NOL4: variants seen among roughly 807,000 people sequenced by gnomAD.
NOL4 encodes the protein cancer/testis antigen 125.
A neutral mutation model predicts 75.9 loss-of-function variants in NOL4; 17 were observed. That is an observed-to-expected ratio of 0.22 (90% confidence interval 0.15 to 0.34). The LOEUF is 0.34. NOL4 is among the 10% of genes least tolerant of loss of function. The pLI, the probability that NOL4 is intolerant of heterozygous loss-of-function variation, is 1.00. For synonymous variants in NOL4, 292 were observed against 289.9 expected (o/e 1.01, Z -0.07); for missense variants, 614 against 793.5 (o/e 0.77, Z 2.72).
intron 5 of NOL4, among the ~76,000 whole-genome samples, chr18:34,091,414 T>C (rs1435932885): frequency 6.6e-6 from 1 of 151,834 alleles, no homozygotes; most frequent in East Asian, 1.9e-4. Flanking sequence ...CAGAAGGAGT[T>C]TGCCCCTCTT....
intron 6 of NOL4, among the ~76,000 whole-genome samples, chr18:34,001,340 C>T (rs144746765): frequency 1.7e-3 from 258 of 152,258 alleles, no homozygotes; most frequent in African/African-American, 5.7e-3. Flanking sequence ...TGTTCTACTA[C>T]GCAATTCCAA....
chr18:34,014,657 C>T lies in NOL4; in HGVS notation c.1056+4661G>A, dbSNP rs114981291. 8.6e-3 allele frequency among the ~76,000 whole-genome samples: 1,307 copies of T among 152,012 alleles called. 18 individuals are homozygous for T. Among genetic ancestry groups the T allele is most frequent in the African/African-American group, 0.03 (1,227 of 41,488 alleles). ...GGGTCTCATTTTCCAAGCTCTTTAT[C>T]ATCATTTCAGCCCTCTTTGGAGCTC... is the stretch of plus-strand genomic sequence containing the variant. On this transcript the variant is annotated intron_variant, in intron 6 of 10. Coordinates refer to ENST00000261592, the MANE Select transcript of NOL4 (RefSeq NM_003787.5).
intron 1 of NOL4, among the ~76,000 whole-genome samples, chr18:34,211,750 A>G (rs990965249): frequency 6.6e-6 from 1 of 152,222 alleles, no homozygotes; most frequent in Non-Finnish European, 1.5e-5. Context: ...AGAGTGGAAC[A>G]TAAGAGGCTA....
At chr18:33,892,042 GATT>G (rs2065124690) in intron 9 of NOL4, among the ~76,000 whole-genome samples, 1 of 152,086 alleles carries the variant, frequency 6.6e-6, no homozygotes, top group African/African-American at 2.4e-5. Context: ...CATCTTGAAT[GATT>G]ATTATTACTG....
chr18:34,141,580 G>A (rs1264308072), intron 1 of NOL4, among the ~76,000 whole-genome samples: 1 of 152,116 alleles, frequency 6.6e-6, no homozygotes, highest in African/African-American at 2.4e-5. Flanking sequence ...ACAAGAAATG[G>A]GGAAAGGTTC....
In NOL4 at chr18:34,133,272, CAAAAA is replaced by C. The variant is rs1230503382; in HGVS notation, c.265-3257_265-3253del. Among the ~76,000 whole-genome samples the C allele has an allele frequency of 8.6e-3, 498 of 57,894 alleles. 4 individuals carry two copies. Among genetic ancestry groups the C allele is most frequent in the African/African-American group, 0.024 (464 of 19,420 alleles). The allele number at this position is 57,894 out of a possible 152,430, so 38.0% of individuals were successfully genotyped here. On this transcript the variant is annotated intron_variant, in intron 1 of 10. Coordinates refer to ENST00000261592, the MANE Select transcript of NOL4 (RefSeq NM_003787.5). The stretch of plus-strand genomic sequence containing the variant: ...GGGCAACAAGAGCAAAACTCCGTCT[CAAAAA>C]AAAAAAAAAAAAAAGTGAAATACAC...
At chr18:34,141,415 A>C (rs1272033353) in intron 1 of NOL4, among the ~76,000 whole-genome samples, 1 of 151,944 alleles carries the variant, frequency 6.6e-6, no homozygotes, top group Non-Finnish European at 1.5e-5. Context: ...GAGGCATCAC[A>C]CTACCTGACT....
intron 6 of NOL4, among the ~76,000 whole-genome samples, chr18:34,011,293 C>T (rs1297778409): frequency 1.3e-5 from 2 of 151,564 alleles, no homozygotes; most frequent in Non-Finnish European, 3.0e-5. Context: ...CAGATAATTG[C>T]TTTATGGTGC....
intron 1 of NOL4, among the ~76,000 whole-genome samples, chr18:34,135,580 C>T (rs891605871): frequency 1.4e-5 from 2 of 147,364 alleles, no homozygotes; most frequent in Non-Finnish European, 3.0e-5. Context: ...GCCTGTAGTG[C>T]CCGCTACTTG....
intron 6 of NOL4, among the ~76,000 whole-genome samples, chr18:34,000,696 C>A (rs1023605065): frequency 6.6e-6 from 1 of 152,022 alleles, no homozygotes; most frequent in African/African-American, 2.4e-5. Flanking sequence ...GGTTAAAACT[C>A]TGGACAGTGT....
At chr18:33,989,964 G>A (rs2072794120) in intron 6 of NOL4, among the ~76,000 whole-genome samples, 1 of 151,918 alleles carries the variant, frequency 6.6e-6, no homozygotes, top group African/African-American at 2.4e-5. Flanking sequence ...AATATTTATT[G>A]AGCACCTGTT....
chr18:34,183,201 C>G (rs2034181128), intron 1 of NOL4, among the ~76,000 whole-genome samples: 1 of 151,716 alleles, frequency 6.6e-6, no homozygotes, highest in Non-Finnish European at 1.5e-5. Context: ...TCTCAAAATT[C>G]AATAATAAGC....
intron 5 of NOL4, among the ~76,000 whole-genome samples, chr18:34,052,756 A>G (rs1455709460): frequency 1.3e-5 from 2 of 152,092 alleles, no homozygotes; most frequent in Non-Finnish European, 2.9e-5. Context: ...AATTATACAC[A>G]GAATGCTACG....
intron 9 of NOL4, among the ~76,000 whole-genome samples, chr18:33,922,592 A>T (rs1430979615): frequency 6.6e-6 from 1 of 152,226 alleles, no homozygotes; most frequent in Non-Finnish European, 1.5e-5. Context: ...ATGGCCTGAA[A>T]GAGCAGACAA....
intron 1 of NOL4, chr18:34,222,184 C>G: frequency 6.8e-7 from 1 of 1,470,822 alleles, no homozygotes; most frequent in Non-Finnish European, 9.0e-7. Flanking sequence ...GCCAGTGCCT[C>G]GCGGCGCCTG....
intron 10 of NOL4, among the ~76,000 whole-genome samples, chr18:33,860,442 G>C (rs1262662691): frequency 6.6e-6 from 1 of 152,146 alleles, no homozygotes; most frequent in Non-Finnish European, 1.5e-5. Flanking sequence ...CTAGGAGTTT[G>C]TGCAAGTTAG....
At chr18:33,911,005 C>T (rs1399664616) in intron 9 of NOL4, among the ~76,000 whole-genome samples, 2 of 152,138 alleles carry the variant, frequency 1.3e-5, no homozygotes, top group Admixed American at 1.3e-4. Context: ...CAGTCTCTCT[C>T]TTCTCGGCTA....
At chr18:34,035,452 C>T (rs1379383136) in intron 5 of NOL4, among the ~76,000 whole-genome samples, 1 of 151,774 alleles carries the variant, frequency 6.6e-6, no homozygotes, top group Non-Finnish European at 1.5e-5. Context: ...ACTCATGGTA[C>T]ATAGCAAAAA....
At chr18:34,088,056 G>T (rs1032112132) in intron 5 of NOL4, among the ~76,000 whole-genome samples, 2 of 150,798 alleles carry the variant, frequency 1.3e-5, no homozygotes, top group Non-Finnish European at 3.0e-5. Flanking sequence ...TAAATATATT[G>T]GTAATATCTA....
Sources: gnomAD v4.1 joint callset for allele counts (sites outside exome capture counted in the v4.1 genomes callset) on GRCh38, gnomAD v4.1.1 for gene constraint, MANE v1.5 for transcripts, NCBI Gene and HGNC (gene_info 2026-07-23, HGNC 2026-07-21) for gene names.